The following SMG1 variants were observed in gnomAD, a reference collection of about 807,000 sequenced individuals.
SMG1 encodes the protein serine/threonine-protein kinase SMG1.
SMG1 carries 22 observed loss-of-function variants against 419.9 expected under a neutral mutation model. That is an observed-to-expected ratio of 0.05 (90% confidence interval 0.04 to 0.07). The LOEUF (loss-of-function observed/expected upper bound fraction) is 0.07, where lower values mean the gene tolerates loss of function less well. Among genes scored for constraint, SMG1 ranks in the 10% least tolerant of loss-of-function variants. The probability of loss-of-function intolerance (pLI) is 1.00; values close to 1 mark genes in which losing one functional copy is unlikely to be tolerated. For missense variants in SMG1, 3,185 were observed against 4,342.0 expected (o/e 0.73, Z 7.49); for synonymous variants, 1,538 against 1,553.5 (o/e 0.99, Z 0.23).
At chr16:18,900,201 C>A (rs549657121) in intron 1 of SMG1, 2 of 525,094 alleles carry the variant, frequency 3.8e-6, no homozygotes, top group Admixed American at 6.5e-5. Context: ...TGGAAAGCCA[C>A]TCTGTGCCTT....
rs1265909050 is a variant in SMG1 at position 18,828,110 on chromosome 16, G to A, written c.9662C>T (p.Pro3221Leu). 10 of 1,613,630 alleles carry A rather than the reference G, an allele frequency of 6.2e-6. No individual in the cohort carries two copies. The highest frequency in any genetic ancestry group is 2.2e-5 in the South Asian group (2 of 91,042). The change falls in exon 55 of 63, where the codon CCA becomes CTA. Residue 3221 changes from proline (P) to leucine (L), a missense_variant. Around this residue, in one of 27 missense-constraint regions of SMG1, gnomAD observed 737 missense variants for 846.6 expected, o/e 0.87. Transcript: ENST00000446231. ...CATGCTGGTTAGGATAGCAGACCGT[G>A]GGGGAGGTGTGACTGACATGGCTTG... Reference protein sequence around the residue: ...RPQAMSVTPPPRSAILTSMKK... With the variant: ...RPQAMSVTPPLRSAILTSMKK...
chr16:18,827,948 C>A, intron 55 of SMG1, 83 bp downstream of exon 55: 1 of 1,440,420 alleles, frequency 6.9e-7, no homozygotes, highest in South Asian at 1.3e-5. Context: ...AATAGACACA[C>A]TGAACAACAG....
chr16:18,818,861 G>C (rs2032260152), intron 56 of SMG1, among the ~76,000 whole-genome samples: 1 of 138,470 alleles, frequency 7.2e-6, no homozygotes, highest in Admixed American at 7.8e-5. Flanking sequence ...CTGTCACCCA[G>C]GCTGGAATTC....
At chr16:18,895,362 C>T (rs1157737403) in intron 3 of SMG1, among the ~76,000 whole-genome samples, 1 of 151,970 alleles carries the variant, frequency 6.6e-6, no homozygotes, top group Non-Finnish European at 1.5e-5. Flanking sequence ...ACCTGTAACC[C>T]CAGCTACTTG....
chr16:18,913,518 T>C (rs1489939241), intron 1 of SMG1, among the ~76,000 whole-genome samples: 1 of 151,864 alleles, frequency 6.6e-6, no homozygotes, highest in Non-Finnish European at 1.5e-5. Flanking sequence ...ATGTTAGCAA[T>C]GTTATCAAAT....
chr16:18,817,228 A>T, intron 57 of SMG1, 63 bp downstream of exon 57: 1 of 1,350,294 alleles, frequency 7.4e-7, no homozygotes, highest in Non-Finnish European at 9.9e-7. Context: ...TGTATATATT[A>T]AATTGATTTT....
intron 1 of SMG1, among the ~76,000 whole-genome samples, chr16:18,898,220 A>G (rs1205156181): frequency 2.0e-5 from 3 of 152,228 alleles, no homozygotes; most frequent in African/African-American, 4.8e-5. Flanking sequence ...AACAGGTCCA[A>G]TTAAACTTGG....
At chr16:18,843,013 A>C (rs2034015753) in intron 39 of SMG1, among the ~76,000 whole-genome samples, 1 of 152,220 alleles carries the variant, frequency 6.6e-6, no homozygotes, top group Non-Finnish European at 1.5e-5. Flanking sequence ...GTGAAATCAC[A>C]GGAGATAGAA....
rs184273704 is a variant in SMG1, at chr16:18,866,477, G to A, written c.3350+144C>T. The A allele has an allele frequency of 1.1e-3, 821 of 764,812 alleles. 10 individuals are homozygous for A. The African/African-American group carries it at 0.013, about 12-fold the overall frequency. The allele number at this position is 764,812 out of a possible 1,614,324, so 47.4% of individuals were successfully genotyped here. ...GCTAACTAAAGAACAAACTGAAGAC[G>A]CCTCCTGGTGAAGTGATTTATAGCA... is the stretch of plus-strand genomic sequence containing the variant. On this transcript the variant is annotated intron_variant, in intron 23 of 62. Transcript: ENST00000446231.
At chr16:18,870,418 C>T (rs1033214660) in intron 18 of SMG1, among the ~76,000 whole-genome samples, 192 bp downstream of exon 18, 2 of 152,166 alleles carry the variant, frequency 1.3e-5, no homozygotes, top group Non-Finnish European at 2.9e-5. Context: ...CTATAAAGCT[C>T]ATTAAAAATT....
At chr16:18,870,037 T>C in intron 18 of SMG1, 43 bp from the exon 19 acceptor site, 3 of 1,416,564 alleles carry the variant, frequency 2.1e-6, no homozygotes, top group Non-Finnish European at 1.9e-6. Flanking sequence ...TATTTTAGCT[T>C]AAAAGGTTAG....
At chr16:18,924,690 T>C (rs2142049255) in intron 1 of SMG1, among the ~76,000 whole-genome samples, 1 of 152,322 alleles carries the variant, frequency 6.6e-6, no homozygotes, top group East Asian at 1.9e-4. Context: ...AACATCTCAA[T>C]TCTAGACTCA....
chr16:18,863,467 T>C (rs1386024140), intron 25 of SMG1, among the ~76,000 whole-genome samples, 183 bp downstream of exon 25: 5 of 152,248 alleles, frequency 3.3e-5, no homozygotes, highest in Admixed American at 6.5e-5. Flanking sequence ...TGTTTTCCCA[T>C]TACACAAATA....
chr16:18,906,488 C>G (rs143809536), intron 1 of SMG1, among the ~76,000 whole-genome samples: 23 of 151,990 alleles, frequency 1.5e-4, no homozygotes, highest in African/African-American at 4.8e-4. Flanking sequence ...AACTCCGTCT[C>G]GGGGTGGGGT....
chr16:18,815,831 G>A lies in SMG1; in HGVS notation c.10303-180C>T, dbSNP rs187322144. ...CATCAAATAAAAATTCAAAGTAAAAGTAAATTCTAAAATTAAATTATTTAC... is the reference window on the plus strand; with the variant it reads ...CATCAAATAAAAATTCAAAGTAAAAATAAATTCTAAAATTAAATTATTTAC... On this transcript the variant is annotated intron_variant, in intron 58 of 62. Transcript: ENST00000446231. The A allele has an allele frequency of 3.1e-3, 1,784 of 580,064 alleles. 3 individuals carry two copies. The highest frequency in any genetic ancestry group is 7.8e-3 in the Middle Eastern group (17 of 2,172). 35.9% of individuals were successfully genotyped at this position (580,064 alleles called of 1,614,324 possible).
intron 62 of SMG1, 150 bp downstream of exon 62, chr16:18,811,611 C>G (rs1407615490): frequency 9.3e-6 from 7 of 753,860 alleles, no homozygotes; most frequent in Non-Finnish European, 1.6e-5. Flanking sequence ...TTGACGACGC[C>G]AGAGCTGTGT....
intron 41 of SMG1, 69 bp downstream of exon 41, chr16:18,841,496 G>A (rs7191057): frequency 0.095 from 138,310 of 1,450,992 alleles, 7,084 homozygotes; most frequent in Middle Eastern, 0.15. Context: ...AAATGGTCCA[G>A]TAAGTCTACA....
intron 1 of SMG1, 146 bp from the exon 2 acceptor site, chr16:18,897,102 T>C (rs761094246): frequency 4.8e-5 from 28 of 578,984 alleles, no homozygotes; most frequent in Non-Finnish European, 6.6e-5. Flanking sequence ...AGCACTCAGC[T>C]GTCTAATAAG....
chr16:18,833,155 C>T lies in SMG1; in HGVS notation c.8577G>A (p.Ser2859=), dbSNP rs762052446. The T allele has an allele frequency of 3.2e-5, 52 of 1,613,442 alleles. No homozygotes were observed. In the African/African-American group the frequency reaches 5.9e-4, roughly 18 times the overall value. Residue 2859 remains serine (S), a synonymous_variant, in exon 51 of 63, where the codon TCG becomes TCA. Coordinates refer to ENST00000446231, the MANE Select transcript of SMG1 (RefSeq NM_015092.5). ...GVYTSLQELN[S]NFRQIIFPEA... The stretch of plus-strand genomic sequence containing the variant: ...CTGGAAATATGATTTGCCGGAAATT[C>T]GAATTCAATTCCTATAAATATATGA...
Sources: allele counts gnomAD v4.1 joint callset (sites outside exome capture counted in the v4.1 genomes callset), GRCh38; gene constraint gnomAD v4.1.1; regional missense constraint gnomAD v4.1.1; transcripts MANE v1.5; gene names NCBI Gene and HGNC (gene_info 2026-07-23, HGNC 2026-07-21).